Variants in EMP1 observed in about 807,000 individuals in gnomAD.
EMP1 encodes epithelial membrane protein 1, also known as tumor-associated membrane protein.
In EMP1, 5 loss-of-function variants were observed where a neutral mutation model predicts 15.7. The observed-to-expected ratio is 0.32, with a 90% CI of 0.17 to 0.67. The LOEUF is 0.67. EMP1 is among the 30% of genes least tolerant of loss of function. The probability of loss-of-function intolerance (pLI) is 0.74; values close to 1 mark genes in which losing one functional copy is unlikely to be tolerated. For synonymous variants in EMP1, 78 were observed against 76.7 expected (o/e 1.02, Z -0.09); for missense variants, 166 against 194.2 (o/e 0.85, Z 0.86).
rs1359393857 is a variant in EMP1 at position 13,219,363 on chromosome 12, T to G, written c.*4672T>G. ...CTTCTGAGACCACCTCAGTGTGGAC[T>G]TAATCGTCCACATCACTGTCAGCAT... On this transcript the variant is annotated 3_prime_UTR_variant, in exon 5 of 5. Transcript: ENST00000256951. 3.3e-5 allele frequency: 5 copies of G among 152,260 alleles called. No homozygotes were observed. The highest frequency in any genetic ancestry group is 6.5e-5 in the Admixed American group (1 of 15,284). The allele number at this position is 152,260 out of a possible 1,614,324, so 9.4% of individuals were successfully genotyped here.
intron 1 of EMP1, among the ~76,000 whole-genome samples, chr12:13,210,299 C>T (rs952609167): frequency 3.3e-5 from 5 of 152,216 alleles, no homozygotes; most frequent in African/African-American, 1.2e-4. Context: ...GGCATCCACA[C>T]ATCCATTCTG....
At position 13,214,808 on chromosome 12, in the gene EMP1, C is replaced by T. The variant is rs1864199829; in HGVS notation, c.*117C>T. On this transcript the variant is annotated 3_prime_UTR_variant, in exon 5 of 5. Coordinates refer to ENST00000256951, the MANE Select transcript of EMP1 (RefSeq NM_001423.3). The stretch of plus-strand genomic sequence containing the variant: ...AGATAGGGGAGGGGGGAGGGGGAAG[C>T]AAAGGGGGGAGGTCAAATCCCAAAC... 3.6e-6 allele frequency: 1 copy of T among 274,286 alleles called. No homozygotes were observed. The highest frequency in any genetic ancestry group is 5.7e-6 in the Non-Finnish European group (1 of 175,082). The allele number at this position is 274,286 out of a possible 1,614,324, so 17.0% of individuals were successfully genotyped here.
rs976117403 is a variant in EMP1, at chr12:13,211,887, T to C, written c.78+299T>C. 7 of 380,086 alleles carry C rather than the reference T, an allele frequency of 1.8e-5. No individual in the cohort carries two copies. Among genetic ancestry groups the C allele is most frequent in the Non-Finnish European group, 2.9e-5 (6 of 208,864 alleles). 23.5% of individuals were successfully genotyped at this position (380,086 alleles called of 1,614,324 possible). On this transcript the variant is annotated intron_variant, in intron 2 of 4. Coordinates refer to ENST00000256951, the MANE Select transcript of EMP1 (RefSeq NM_001423.3). This position sits in a 1 kb window ranked among gnomAD's most constrained non-coding sequence, Gnocchi z 4.7. ...CAGCAGGGGTGAGTGGAGCTTGAGG[T>C]GAACCTGGAGGAGTGGTAGATGGCT...
chr12:13,213,354 G>A (rs1788468350), intron 2 of EMP1, 125 bp from the exon 3 acceptor site: 1 of 849,278 alleles, frequency 1.2e-6, no homozygotes. Flanking sequence ...AAGCTGCATA[G>A]CCATAGTTAT....
In EMP1 at chr12:13,213,718, T is replaced by C; in HGVS notation, c.213T>C (p.Ser71=). The C allele has an allele frequency of 6.2e-7, 1 of 1,614,204 alleles. No individual in the cohort carries two copies. Among genetic ancestry groups the C allele is most frequent in the Non-Finnish European group, 8.5e-7 (1 of 1,180,028 alleles). Residue 71 remains serine, a synonymous_variant, in exon 4 of 5, where the codon TCT becomes TCC. Coordinates refer to ENST00000256951, the MANE Select transcript of EMP1 (RefSeq NM_001423.3). ...LKTVQAFMIL[S]IIFCVIALLV... is the part of the protein sequence containing the mutation. ...CAGTGCAGGCCTTCATGATTCTCTCTATCATCTTCTGTGTCATTGCCCTCC... is the reference window on the plus strand; with the variant it reads ...CAGTGCAGGCCTTCATGATTCTCTCCATCATCTTCTGTGTCATTGCCCTCC...
At position 13,214,976 on chromosome 12, in the gene EMP1, A is replaced by G; in HGVS notation, c.*285A>G. The G allele has an allele frequency of 2.6e-6, 1 of 378,148 alleles. No homozygotes were observed. The highest frequency in any genetic ancestry group is 2.5e-5 in the South Asian group (1 of 39,758). The allele number at this position is 378,148 out of a possible 1,614,324, so 23.4% of individuals were successfully genotyped here. A position where few individuals can be genotyped will look rare whatever the true frequency, so the allele number is the denominator to read the frequency against. On this transcript the variant is annotated 3_prime_UTR_variant, in exon 5 of 5. Transcript: ENST00000256951. ...CCTCCAGCTGTTCTTAGTGACACAC[A>G]CTGTCTGGGGCCCCATCAGCTGCCA... is the stretch of plus-strand genomic sequence containing the variant.
At chr12:13,214,093 A>C in intron 4 of EMP1, 2 of 625,972 alleles carry the variant, frequency 3.2e-6, no homozygotes, top group South Asian at 3.8e-5. Flanking sequence ...CACTTCAAGA[A>C]GGCAGAAAGG....
rs911735189 is a variant in EMP1, at chr12:13,214,908, C to T, written c.*217C>T. 4 of 492,980 alleles carry T rather than the reference C, an allele frequency of 8.1e-6. No individual in the cohort carries two copies. The highest frequency in any genetic ancestry group is 5.8e-5 in the African/African-American group (3 of 51,702). 30.5% of individuals were successfully genotyped at this position (492,980 alleles called of 1,614,324 possible). On this transcript the variant is annotated 3_prime_UTR_variant, in exon 5 of 5. Coordinates refer to ENST00000256951, the MANE Select transcript of EMP1 (RefSeq NM_001423.3). ...TAGTTGGCTAGTACTTTGATGCTCCCTTGATGGGGTCCAGAGAGCCTCCCT... is the reference window on the plus strand; with the variant it reads ...TAGTTGGCTAGTACTTTGATGCTCCTTTGATGGGGTCCAGAGAGCCTCCCT...
chr12:13,213,654 C>T, intron 3 of EMP1, 27 bp from the exon 4 acceptor site: 1 of 1,613,900 alleles, frequency 6.2e-7, no homozygotes, highest in Non-Finnish European at 8.5e-7. Context: ...ACCTCATGCC[C>T]TTGTTCTCCT....
intron 1 of EMP1, among the ~76,000 whole-genome samples, chr12:13,202,311 G>A (rs564830927): frequency 1.3e-5 from 2 of 152,268 alleles, no homozygotes; most frequent in African/African-American, 4.8e-5. Flanking sequence ...TATCATTTTA[G>A]TTTCCACTAC....
chr12:13,208,722 C>T (rs189327502), intron 1 of EMP1, among the ~76,000 whole-genome samples: 16 of 152,258 alleles, frequency 1.1e-4, no homozygotes, highest in Non-Finnish European at 8.8e-5. Context: ...TGCTTCTTTC[C>T]GTGGTGAAAA....
At chr12:13,210,922 G>A (rs576956378) in intron 1 of EMP1, among the ~76,000 whole-genome samples, 9 of 152,268 alleles carry the variant, frequency 5.9e-5, no homozygotes, top group South Asian at 2.1e-4. Context: ...TTTATATCTC[G>A]CCCAGGATCA....
Position 13,217,974 on chromosome 12 carries a change from AT to A in EMP1, c.*3284del. On this transcript the variant is annotated 3_prime_UTR_variant, in exon 5 of 5. Coordinates refer to ENST00000256951, the MANE Select transcript of EMP1 (RefSeq NM_001423.3). ...TCCCTTTTATAGAGAAGCTTAAAAAATATTTGTTGAATTAAATGTCTTAGGT... is the reference window on the plus strand; with the variant it reads ...TCCCTTTTATAGAGAAGCTTAAAAAAATTTGTTGAATTAAATGTCTTAGGT... 1 of 152,324 alleles carries A rather than the reference AT, an allele frequency of 6.6e-6. No individual in the cohort carries two copies. The highest frequency in any genetic ancestry group is 1.9e-4 in the East Asian group (1 of 5,194). 9.4% of individuals were successfully genotyped at this position (152,324 alleles called of 1,614,324 possible).
rs752095195 is a variant in EMP1, at chr12:13,217,334, A to C, written c.*2643A>C. The C allele has an allele frequency of 2.0e-5, 3 of 152,162 alleles. No individual in the cohort carries two copies. Among genetic ancestry groups the C allele is most frequent in the Non-Finnish European group, 4.4e-5 (3 of 68,022 alleles). The allele number at this position is 152,162 out of a possible 1,614,324, so 9.4% of individuals were successfully genotyped here. ...TGTGTCGTGTCAGCACCAATACAAT[A>C]AGGAGGGTTTTAATGTGAAGCAGGC... On this transcript the variant is annotated 3_prime_UTR_variant, in exon 5 of 5. Transcript: ENST00000256951.
rs1257813906 is a variant in EMP1, at chr12:13,213,824, G to T, written c.316+3G>T. The T allele has an allele frequency of 1.9e-6, 3 of 1,613,618 alleles. No homozygotes were observed. In the Admixed American group the frequency reaches 5.0e-5, roughly 27 times the overall value. On this transcript the variant is annotated splice_donor_region_variant and intron_variant, in intron 4 of 4. Coordinates refer to ENST00000256951, the MANE Select transcript of EMP1 (RefSeq NM_001423.3). ...AGGGGCCACCACACTGGTGTGCTGT[G>T]AGTATCTCATGGGTAGACTCCAGTT...
chr12:13,204,436 C>T (rs1195886532), intron 1 of EMP1, among the ~76,000 whole-genome samples: 3 of 152,216 alleles, frequency 2.0e-5, no homozygotes, highest in Admixed American at 6.5e-5. Flanking sequence ...GAAGGGAGTG[C>T]TTCCTTTTCT....
chr12:13,212,842 A>G (rs1366000054), intron 2 of EMP1, among the ~76,000 whole-genome samples: 1 of 152,208 alleles, frequency 6.6e-6, no homozygotes, highest in Non-Finnish European at 1.5e-5. Flanking sequence ...TGGCGGCACC[A>G]TGATCAGTCT....
intron 1 of EMP1, among the ~76,000 whole-genome samples, chr12:13,210,715 T>C (rs1007304882): frequency 1.3e-5 from 2 of 152,242 alleles, no homozygotes; most frequent in East Asian, 3.8e-4. Context: ...CACATTGAGC[T>C]GTGGAAAATA....
intron 2 of EMP1, 36 bp from the exon 3 acceptor site, chr12:13,213,443 G>T: frequency 6.3e-7 from 1 of 1,586,272 alleles, no homozygotes; most frequent in Non-Finnish European, 8.7e-7. Flanking sequence ...CAGAGGGCCA[G>T]CTTTCAATTA....
Sources: gnomAD v4.1 joint callset for allele counts (sites outside exome capture counted in the v4.1 genomes callset) on GRCh38, gnomAD v4.1.1 for gene constraint, Gnocchi (gnomAD v3.1) non-coding constraint, MANE v1.5 for transcripts, NCBI Gene and HGNC (gene_info 2026-07-23, HGNC 2026-07-21) for gene names.